Variants in AGBL4 observed in about 807,000 individuals in gnomAD.
AGBL4 encodes cytosolic carboxypeptidase 6.
In AGBL4, 58 loss-of-function variants were observed where a neutral mutation model predicts 66.4. The observed-to-expected ratio is 0.87, with a 90% CI of 0.71 to 1.09. AGBL4 has a LOEUF of 1.09. Among genes scored for constraint, AGBL4 ranks in the 50% least tolerant of loss-of-function variants. AGBL4 has a pLI of 0.00. For synonymous variants in AGBL4, 234 were observed against 222.9 expected, an observed-to-expected ratio of 1.05 and a Z score of -0.44; for missense variants, 579 against 631.0, an observed-to-expected ratio of 0.92 and a Z score of 0.88.
chr1:49,261,066 T>G (rs1653109869), intron 3 of AGBL4, among the ~76,000 whole-genome samples: 1 of 152,098 alleles, frequency 6.6e-6, no homozygotes, highest in African/African-American at 2.4e-5. Context: ...ACCACATGAT[T>G]ATCTCAATAG....
intron 9 of AGBL4, among the ~76,000 whole-genome samples, chr1:48,604,552 CAAAA>C (rs879791071): frequency 1.4e-5 from 2 of 143,950 alleles, no homozygotes; most frequent in Non-Finnish European, 3.1e-5. Flanking sequence ...GGAGGTCTAC[CAAAA>C]AAAAAAGTTA....
chr1:49,898,759 A>G (rs1205597770), intron 1 of AGBL4, among the ~76,000 whole-genome samples: 1 of 152,196 alleles, frequency 6.6e-6, no homozygotes, highest in Admixed American at 6.5e-5. Context: ...AGTGGTACTT[A>G]TATACAATAA....
intron 6 of AGBL4, among the ~76,000 whole-genome samples, chr1:48,684,232 T>A (rs1175014350): frequency 6.6e-6 from 1 of 152,232 alleles, no homozygotes; most frequent in Admixed American, 6.5e-5. Context: ...TCAAACGGAT[T>A]GGCTCCTTCT....
chr1:48,812,504 C>T (rs1646074797), intron 6 of AGBL4, among the ~76,000 whole-genome samples: 1 of 152,180 alleles, frequency 6.6e-6, no homozygotes, highest in African/African-American at 2.4e-5. Context: ...AGAGTCTGCT[C>T]TGTGCCAAAT....
intron 4 of AGBL4, among the ~76,000 whole-genome samples, chr1:49,066,665 C>T (rs1644497934): frequency 6.6e-6 from 1 of 152,232 alleles, no homozygotes; most frequent in Non-Finnish European, 1.5e-5. Flanking sequence ...GAAAACTCTG[C>T]TCTTTCTGGC....
At chr1:48,538,109 T>C (rs913742153) in intron 12 of AGBL4, among the ~76,000 whole-genome samples, 1 of 152,144 alleles carries the variant, frequency 6.6e-6, no homozygotes, top group Non-Finnish European at 1.5e-5. Flanking sequence ...CCCTAGATGA[T>C]TTAGAAACAA....
chr1:48,648,295 T>C (rs944734833), intron 8 of AGBL4, among the ~76,000 whole-genome samples: 4 of 152,224 alleles, frequency 2.6e-5, no homozygotes, highest in African/African-American at 7.2e-5. Flanking sequence ...AAGAACGTCA[T>C]GTAAGTGGAA....
intron 3 of AGBL4, among the ~76,000 whole-genome samples, chr1:49,655,288 G>A (rs1168787375): frequency 1.3e-5 from 2 of 152,156 alleles, no homozygotes; most frequent in African/African-American, 4.8e-5. Context: ...GGCTTGTAGA[G>A]TTTCTGCCAA....
At position 48,729,168 on chromosome 1, in the gene AGBL4, A is replaced by G. The variant is rs80149480; in HGVS notation, c.635-65927T>C. Among the ~76,000 whole-genome samples, 487 of 152,316 alleles carry G rather than the reference A, an allele frequency of 3.2e-3. 9 individuals carry two copies. The highest frequency in any genetic ancestry group is 0.029 in the East Asian group (150 of 5,182). On this transcript the variant is annotated intron_variant, in intron 6 of 13. Coordinates refer to ENST00000371839, the MANE Select transcript of AGBL4 (RefSeq NM_032785.4). Reference sequence around the variant, plus strand: ...AACATGTTGCCTTTTTCAAGTTGTAAGGAATACTACACCTGTATGGGGTTG... The same window carrying G: ...AACATGTTGCCTTTTTCAAGTTGTAGGGAATACTACACCTGTATGGGGTTG...
chr1:49,151,281 A>ATAT (rs1396189033), intron 4 of AGBL4, among the ~76,000 whole-genome samples: 104 of 143,184 alleles, frequency 7.3e-4, no homozygotes, highest in African/African-American at 2.4e-3. Context: ...AAAAAAAAAA[A>ATAT]ATATATATAT....
rs574505416 is a variant in AGBL4 at position 48,898,868 on chromosome 1, G to T, written c.595-31638C>A. Among the ~76,000 whole-genome samples the T allele has an allele frequency of 1.5e-3, 236 of 152,320 alleles. No homozygotes were observed. The Middle Eastern group carries it at 0.027, about 18-fold the overall frequency. ...TCCAGAGCTGAAGAGTTTTCCCTGA[G>T]AATTTTGTCAAGAGCGTCGCTCTCC... On this transcript the variant is annotated intron_variant, in intron 5 of 13. Coordinates refer to ENST00000371839, the MANE Select transcript of AGBL4 (RefSeq NM_032785.4).
At chr1:49,165,967 A>G (rs1646626690) in intron 4 of AGBL4, among the ~76,000 whole-genome samples, 1 of 152,120 alleles carries the variant, frequency 6.6e-6, no homozygotes, top group Admixed American at 6.6e-5. Flanking sequence ...GTAATGAAAA[A>G]TAAGGAAGAG....
At chr1:49,618,177 C>T (rs1645286351) in intron 3 of AGBL4, among the ~76,000 whole-genome samples, 1 of 152,188 alleles carries the variant, frequency 6.6e-6, no homozygotes, top group African/African-American at 2.4e-5. Flanking sequence ...CTGCAAAGAA[C>T]ATGAACTCAT....
At chr1:49,280,235 C>T (rs926541326) in intron 3 of AGBL4, among the ~76,000 whole-genome samples, 13 of 152,140 alleles carry the variant, frequency 8.5e-5, no homozygotes, top group Admixed American at 3.3e-4. Context: ...ACCCTCACCA[C>T]TTACCGCAAA....
chr1:48,776,846 G>A (rs1218504040), intron 6 of AGBL4: 3 of 1,491,822 alleles, frequency 2.0e-6, no homozygotes, highest in Non-Finnish European at 1.8e-6. Context: ...GGCGCCGGGG[G>A]CGGGCCCCGG....
chr1:49,060,842 G>C (rs1644390571), intron 4 of AGBL4, among the ~76,000 whole-genome samples: 1 of 152,200 alleles, frequency 6.6e-6, no homozygotes, highest in African/African-American at 2.4e-5. Flanking sequence ...TGAGCCCCCA[G>C]TGGAAAGACT....
intron 6 of AGBL4, among the ~76,000 whole-genome samples, chr1:48,865,049 T>C (rs1036376816): frequency 3.9e-5 from 6 of 152,060 alleles, no homozygotes; most frequent in Non-Finnish European, 8.8e-5. Context: ...TCCCAGTCTA[T>C]GACTGGCCAC....
At chr1:48,767,892 A>C (rs1487422176) in intron 6 of AGBL4, among the ~76,000 whole-genome samples, 1 of 152,178 alleles carries the variant, frequency 6.6e-6, no homozygotes, top group East Asian at 1.9e-4. Flanking sequence ...AGCTAATTAC[A>C]TTCATCCATT....
intron 6 of AGBL4, among the ~76,000 whole-genome samples, chr1:48,842,456 A>G (rs12064087): frequency 0.037 from 5,587 of 152,226 alleles, 337 homozygotes; most frequent in African/African-American, 0.13. Context: ...TCTCCTGTGG[A>G]TGCTTAAGTC....
Sources: allele counts gnomAD v4.1 joint callset (sites outside exome capture counted in the v4.1 genomes callset), GRCh38; gene constraint gnomAD v4.1.1; transcripts MANE v1.5; gene names NCBI Gene and HGNC (gene_info 2026-07-23, HGNC 2026-07-21).